MYH10: variants seen among roughly 807,000 people sequenced by gnomAD.
MYH10 encodes the protein myosin heavy chain 10.
MYH10 carries 55 observed loss-of-function variants against 257.8 expected under a neutral mutation model. The observed-to-expected ratio is 0.21, with a 90% confidence interval of 0.17 to 0.27. The LOEUF (loss-of-function observed/expected upper bound fraction) is 0.27. Among genes scored for constraint, MYH10 ranks in the 10% least tolerant of loss-of-function variants. The probability of loss-of-function intolerance (pLI) is 1.00; values close to 1 mark genes in which losing one functional copy is unlikely to be tolerated. For missense variants in MYH10, 1,631 were observed against 2,500.6 expected (o/e 0.65, Z 7.42); for synonymous variants, 854 against 921.7 (o/e 0.93, Z 1.33).
intron 17 of MYH10, among the ~76,000 whole-genome samples, 178 bp downstream of exon 17, chr17:8,530,445 G>A (rs1445536064): frequency 6.6e-6 from 1 of 152,140 alleles, no homozygotes; most frequent in Non-Finnish European, 1.5e-5. Context: ...ATAAAACTGA[G>A]CATGAAATGA....
chr17:8,575,088 T>C (rs967786948), intron 6 of MYH10, among the ~76,000 whole-genome samples: 2 of 152,180 alleles, frequency 1.3e-5, no homozygotes, highest in African/African-American at 4.8e-5. Flanking sequence ...CAGTACGACA[T>C]GCAAATCGGC....
chr17:8,603,478 T>C (rs1432097832), intron 3 of MYH10, among the ~76,000 whole-genome samples: 3 of 152,190 alleles, frequency 2.0e-5, no homozygotes, highest in Non-Finnish European at 4.4e-5. Flanking sequence ...TCCCCTTCTA[T>C]AGAATACATC....
intron 2 of MYH10, among the ~76,000 whole-genome samples, chr17:8,610,270 G>GAAAAAAAAAAAAAAAAA (rs1567977649): frequency 1.2e-4 from 1 of 8,020 alleles, no homozygotes; most frequent in African/African-American, 2.8e-3. Context: ...CCATAGGATT[G>GAAAAAAAAAAAAAAAAA]CAAAAAAAAA....
intron 24 of MYH10, chr17:8,511,015 C>CATATATATATATATATAAAT (rs2081250951): frequency 1.7e-5 from 2 of 120,542 alleles, no homozygotes; most frequent in African/African-American, 7.7e-5. Context: ...TCATGTACCC[C>CATATATATATATATATAAAT]ATATATATAT....
chr17:8,561,492 T>A (rs775162406), intron 7 of MYH10: 21 of 1,433,884 alleles, frequency 1.5e-5, no homozygotes, highest in Admixed American at 3.3e-5. Context: ...GGAATCGATC[T>A]CGTGAAGCCC....
chr17:8,599,876 CAA>C (rs1282770380), intron 3 of MYH10, among the ~76,000 whole-genome samples: 5 of 152,108 alleles, frequency 3.3e-5, no homozygotes, highest in African/African-American at 4.8e-5. Flanking sequence ...GGAGTAGACA[CAA>C]GAGATAATGA....
At chr17:8,498,661 C>T (rs756404433) in intron 30 of MYH10, among the ~76,000 whole-genome samples, 7 of 151,938 alleles carry the variant, frequency 4.6e-5, no homozygotes, top group East Asian at 1.9e-4. Flanking sequence ...TCCTGGCTAA[C>T]GTGGTGAAAC....
chr17:8,596,662 G>A (rs1454914062), intron 3 of MYH10, among the ~76,000 whole-genome samples: 1 of 143,326 alleles, frequency 7.0e-6, no homozygotes, highest in Non-Finnish European at 1.5e-5. Flanking sequence ...GGGGGAGTAG[G>A]AGGGAGGGGG....
Position 8,545,524 on chromosome 17 carries a change from T to C in MYH10, c.1355A>G (p.Lys452Arg). The C allele has an allele frequency of 1.2e-6, 2 of 1,614,214 alleles. No individual in the cohort carries two copies. Among genetic ancestry groups the C allele is most frequent in the African/African-American group, 2.7e-5 (2 of 75,066 alleles). ...LFRWLVHRIN[K>R]ALDRTKRQGA... The stretch of plus-strand genomic sequence containing the variant: ...CTGACGTTTGGTCCTATCCAGAGCT[T>C]TATTGATGCGATGAACGAGCCAGCG... Residue 452 changes from lysine to arginine, a missense_variant, in exon 13 of 43, where the codon AAA becomes AGA. Transcript: ENST00000360416. This position sits in a 1 kb window ranked among gnomAD's most constrained non-coding sequence, Gnocchi z 4.7.
Position 8,622,069 on chromosome 17 carries a change from C to T in MYH10, c.345+833G>A, listed in dbSNP as rs2085487490. ...GAATTATTCATGACCTTCAGTAGCA[C>T]ACTCCTTGTGTAAAATTCAACACCC... is the stretch of plus-strand genomic sequence containing the variant. On this transcript the variant is annotated intron_variant, in intron 2 of 42. Coordinates refer to ENST00000360416, the MANE Select transcript of MYH10 (RefSeq NM_001256012.3). Among the ~76,000 whole-genome samples, 3 of 152,172 alleles carry T rather than the reference C, an allele frequency of 2.0e-5. No individual in the cohort carries two copies. The South Asian group carries it at 6.2e-4, about 32-fold the overall frequency.
intron 36 of MYH10, among the ~76,000 whole-genome samples, chr17:8,486,726 A>G (rs1914877890): frequency 8.6e-6 from 1 of 116,824 alleles, no homozygotes; most frequent in African/African-American, 3.2e-5. Flanking sequence ...GTCCTACACC[A>G]TATTTTCCTT....
chr17:8,475,478 G>T lies in MYH10; in HGVS notation c.*326C>A. The T allele has an allele frequency of 4.3e-6, 1 of 232,080 alleles. No individual in the cohort carries two copies. The allele number at this position is 232,080 out of a possible 1,614,324, so 14.4% of individuals were successfully genotyped here. On this transcript the variant is annotated 3_prime_UTR_variant, in exon 43 of 43. Transcript: ENST00000360416. ...CACGGCGCTGCCCCAATAACCCAGC[G>T]ACCCGCAACCAAGGGCCTGGAGTTT...
chr17:8,616,781 T>G (rs1275566450), intron 2 of MYH10, among the ~76,000 whole-genome samples: 1 of 152,060 alleles, frequency 6.6e-6, no homozygotes, highest in Non-Finnish European at 1.5e-5. Flanking sequence ...ACAAGCAGAT[T>G]CTAAAATTAT....
intron 2 of MYH10, among the ~76,000 whole-genome samples, chr17:8,622,278 T>A (rs1182033846): frequency 3.3e-5 from 5 of 152,096 alleles, no homozygotes; most frequent in Non-Finnish European, 7.4e-5. Context: ...CTCTACATTA[T>A]CCCTCTCTAC....
At chr17:8,629,101 G>A (rs1295067295) in intron 1 of MYH10, among the ~76,000 whole-genome samples, 2 of 152,130 alleles carry the variant, frequency 1.3e-5, no homozygotes, top group Non-Finnish European at 2.9e-5. Context: ...GGGACTCAAA[G>A]AATAATTAAT....
At position 8,506,077 on chromosome 17, in the gene MYH10, C is replaced by G. The variant is rs1250558235; in HGVS notation, c.3386+241G>C. The stretch of plus-strand genomic sequence containing the variant: ...AATAATTTGTTCTGGTGTGAATTTC[C>G]AAGGGTTTCATAATATAATTTGTCA... On this transcript the variant is annotated intron_variant, in intron 27 of 42. Transcript: ENST00000360416. This position sits in a 1 kb window ranked among gnomAD's most constrained non-coding sequence, Gnocchi z 5.0. 3 of 418,052 alleles carry G rather than the reference C, an allele frequency of 7.2e-6. No homozygotes were observed. The highest frequency in any genetic ancestry group is 1.2e-5 in the Non-Finnish European group (3 of 240,852). The allele number at this position is 418,052 out of a possible 1,614,324, so 25.9% of individuals were successfully genotyped here.
At chr17:8,623,400 A>G (rs2085542554) in intron 1 of MYH10, 123 bp from the exon 2 acceptor site, 7 of 918,152 alleles carry the variant, frequency 7.6e-6, no homozygotes, top group Non-Finnish European at 9.1e-6. Context: ...GAGCTGGGGT[A>G]TACCTCTTCA....
chr17:8,546,219 C>T (rs112030409), intron 12 of MYH10, among the ~76,000 whole-genome samples: 5,981 of 151,924 alleles, frequency 0.039, 384 homozygotes, highest in African/African-American at 0.13. Context: ...CCATCACGCC[C>T]GGCTAATTTT....
chr17:8,531,124 A>G (rs1414524507), intron 16 of MYH10, among the ~76,000 whole-genome samples: 1 of 152,218 alleles, frequency 6.6e-6, no homozygotes, highest in Non-Finnish European at 1.5e-5. Context: ...CTGTGTAATT[A>G]ATTTTACTTC....
Sources: gnomAD v4.1 joint callset for allele counts (sites outside exome capture counted in the v4.1 genomes callset) on GRCh38, gnomAD v4.1.1 for gene constraint, Gnocchi (gnomAD v3.1) non-coding constraint, MANE v1.5 for transcripts, NCBI Gene and HGNC (gene_info 2026-07-23, HGNC 2026-07-21) for gene names.